Variants in ROBO2 observed in about 807,000 individuals in gnomAD.
The protein encoded by ROBO2 is roundabout homolog 2.
A neutral mutation model predicts 160.8 loss-of-function variants in ROBO2; 53 were observed. The observed-to-expected ratio is 0.33, with a 90% CI of 0.26 to 0.41. ROBO2 has a LOEUF of 0.41. Ranked by LOEUF, ROBO2 falls within the 10% of genes least tolerant of loss-of-function variation. The pLI, the probability that ROBO2 is intolerant of heterozygous loss-of-function variation, is 1.00. For missense variants in ROBO2, 1,577 were observed against 1,722.4 expected (o/e 0.92, Z 1.49); for synonymous variants, 664 against 611.7 (o/e 1.09, Z -1.26).
intron 2 of ROBO2, among the ~76,000 whole-genome samples, chr3:77,009,638 A>G (rs1265140949): frequency 6.6e-6 from 1 of 152,170 alleles, no homozygotes; most frequent in Non-Finnish European, 1.5e-5. Flanking sequence ...CCAAAATTAT[A>G]TATTTGTACT....
chr3:76,227,746 C>T (rs1441216689), intron 2 of ROBO2, among the ~76,000 whole-genome samples: 1 of 152,122 alleles, frequency 6.6e-6, no homozygotes, highest in African/African-American at 2.4e-5. Context: ...GCTTTGTAGA[C>T]ATTTGAAATC....
intron 1 of ROBO2, among the ~76,000 whole-genome samples, chr3:75,923,811 C>T (rs1046806882): frequency 2.6e-5 from 4 of 152,190 alleles, no homozygotes; most frequent in Admixed American, 6.5e-5. Flanking sequence ...AAGGAGTTTG[C>T]ACATGTGTGC....
At chr3:76,550,287 A>G (rs1267860140) in intron 2 of ROBO2, among the ~76,000 whole-genome samples, 1 of 152,264 alleles carries the variant, frequency 6.6e-6, no homozygotes, top group Non-Finnish European at 1.5e-5. Flanking sequence ...GGAAAAAGAA[A>G]AGCAAAAATA....
At chr3:77,275,794 A>G (rs182795920) in intron 2 of ROBO2, among the ~76,000 whole-genome samples, 74 of 152,288 alleles carry the variant, frequency 4.9e-4, no homozygotes, top group Non-Finnish European at 7.8e-4. Context: ...GGTGTACAAT[A>G]TGATACCAAA....
At chr3:76,414,181 C>A (rs1432431141) in intron 2 of ROBO2, among the ~76,000 whole-genome samples, 1 of 152,164 alleles carries the variant, frequency 6.6e-6, no homozygotes, top group African/African-American at 2.4e-5. Flanking sequence ...ATGGGGAATT[C>A]TGGGAGATAC....
intron 2 of ROBO2, among the ~76,000 whole-genome samples, chr3:76,410,657 C>G (rs534096454): frequency 6.6e-6 from 1 of 152,078 alleles, no homozygotes; most frequent in African/African-American, 2.4e-5. Flanking sequence ...TTTGAACACC[C>G]GATTATGTAG....
chr3:76,795,618 G>A (rs2063639187), intron 2 of ROBO2, among the ~76,000 whole-genome samples: 1 of 152,008 alleles, frequency 6.6e-6, no homozygotes, highest in Non-Finnish European at 1.5e-5. Context: ...TAGTTCTCTT[G>A]CTATTTCCAT....
At chr3:76,989,974 G>T (rs540388226) in intron 2 of ROBO2, among the ~76,000 whole-genome samples, 1 of 152,002 alleles carries the variant, frequency 6.6e-6, no homozygotes, top group Non-Finnish European at 1.5e-5. Flanking sequence ...TAAACCTAGG[G>T]CTTTAATTCA....
At chr3:76,132,156 G>A (rs1379530630) in intron 2 of ROBO2, among the ~76,000 whole-genome samples, 1 of 152,072 alleles carries the variant, frequency 6.6e-6, no homozygotes, top group Non-Finnish European at 1.5e-5. Context: ...AATCCGCACA[G>A]GGAAGAGGCA....
At chr3:76,775,085 T>C (rs1268103270) in intron 2 of ROBO2, among the ~76,000 whole-genome samples, 1 of 150,760 alleles carries the variant, frequency 6.6e-6, no homozygotes, top group Non-Finnish European at 1.5e-5. Flanking sequence ...TAAAAACTTA[T>C]TTTTCTAAAA....
rs34039752 is a variant in ROBO2 at position 76,701,848 on chromosome 3, TAAAA to T, written c.110-396154_110-396151del. Among the ~76,000 whole-genome samples the T allele has an allele frequency of 1.5e-4, 22 of 143,398 alleles. 1 individual carries two copies. The East Asian group carries it at 2.2e-3, about 14-fold the overall frequency. 94.1% of individuals were successfully genotyped at this position (143,398 alleles called of 152,430 possible). A position where few individuals can be genotyped will look rare whatever the true frequency, so the allele number is the denominator to read the frequency against. ...TTACCTTGAGTAGTGTGTAGCAGTC[TAAAA>T]AAAAAAAAAAACAAAGGTCACTTTT... is the stretch of plus-strand genomic sequence containing the variant. On this transcript the variant is annotated intron_variant, in intron 2 of 26. Coordinates refer to the ROBO2 transcript ENST00000487694.
At chr3:76,492,363 G>A (rs899067819) in intron 2 of ROBO2, among the ~76,000 whole-genome samples, 1 of 152,182 alleles carries the variant, frequency 6.6e-6, no homozygotes, top group South Asian at 2.1e-4. Flanking sequence ...ACCTGTTTAT[G>A]TGTTCGCTCC....
chr3:76,718,143 A>G (rs155335), intron 2 of ROBO2, among the ~76,000 whole-genome samples: 53,923 of 152,068 alleles, frequency 0.35, 11,146 homozygotes, highest in Non-Finnish European at 0.47. Flanking sequence ...GATTATCTCT[A>G]TAACAACTCT....
At chr3:77,333,111 C>T (rs1379116204) in intron 2 of ROBO2, among the ~76,000 whole-genome samples, 1 of 152,156 alleles carries the variant, frequency 6.6e-6, no homozygotes, top group Non-Finnish European at 1.5e-5. Flanking sequence ...TGACCAGATA[C>T]AATGCATATG....
At position 77,537,104 on chromosome 3, in the gene ROBO2, G is replaced by GGGC. The variant is rs2092162288; in HGVS notation, c.935-9232_935-9231insCGG. Among the ~76,000 whole-genome samples, 2 of 143,330 alleles carry GGGC rather than the reference G, an allele frequency of 1.4e-5. 1 individual carries two copies. Among genetic ancestry groups the GGGC allele is most frequent in the African/African-American group, 5.2e-5 (2 of 38,672 alleles). 94.0% of individuals were successfully genotyped at this position (143,330 alleles called of 152,430 possible). A position where few individuals can be genotyped will look rare whatever the true frequency, so the allele number is the denominator to read the frequency against. On this transcript the variant is annotated intron_variant, in intron 6 of 25. Coordinates refer to ENST00000461745, the Ensembl canonical transcript of ROBO2. Reference sequence around the variant, plus strand: ...TAAAACATATACATATTTTGTGGGGGGGGGGTGTATTACACTTACCAAAAT... The same window carrying GGGC: ...TAAAACATATACATATTTTGTGGGGGGGCGGGGGTGTATTACACTTACCAAAAT...
chr3:76,235,648 C>G (rs1012621384), intron 2 of ROBO2, among the ~76,000 whole-genome samples: 1 of 152,114 alleles, frequency 6.6e-6, no homozygotes, highest in Admixed American at 6.5e-5. Context: ...GGGTAACTTT[C>G]TAAATTTGGA....
intron 2 of ROBO2, among the ~76,000 whole-genome samples, chr3:76,519,460 C>T (rs2081492238): frequency 6.6e-6 from 1 of 152,142 alleles, no homozygotes; most frequent in Non-Finnish European, 1.5e-5. Context: ...CATGGTTAAA[C>T]CTTCCCAAAC....
chr3:76,998,053 G>C (rs576255162), intron 2 of ROBO2, among the ~76,000 whole-genome samples: 1 of 152,230 alleles, frequency 6.6e-6, no homozygotes, highest in East Asian at 1.9e-4. Flanking sequence ...TATTCTATTG[G>C]CCAAAGCAAG....
At chr3:77,151,153 T>C (rs570498913) in intron 2 of ROBO2, among the ~76,000 whole-genome samples, 1 of 152,276 alleles carries the variant, frequency 6.6e-6, no homozygotes, top group Admixed American at 6.5e-5. Context: ...TGTATTTTAG[T>C]CTCAACATTA....
Sources: gnomAD v4.1 joint callset for allele counts (sites outside exome capture counted in the v4.1 genomes callset) on GRCh38, gnomAD v4.1.1 for gene constraint, MANE v1.5 for transcripts, NCBI Gene and HGNC (gene_info 2026-07-23, HGNC 2026-07-21) for gene names.